The following KDM4C variants were observed in gnomAD, a reference collection of about 807,000 sequenced individuals.
KDM4C encodes the protein lysine-specific demethylase 4C.
In KDM4C, 81 loss-of-function variants were observed where a neutral mutation model predicts 129.3. The observed-to-expected ratio is 0.63, with a 90% CI of 0.52 to 0.75. The LOEUF (loss-of-function observed/expected upper bound fraction) is 0.75. KDM4C is among the 30% of genes least tolerant of loss of function. The probability of loss-of-function intolerance (pLI) is 0.00; values close to 1 mark genes in which losing one functional copy is unlikely to be tolerated. For missense variants in KDM4C, 1,457 were observed against 1,304.0 expected (o/e 1.12, Z -1.81); for synonymous variants, 573 against 456.1 (o/e 1.26, Z -3.26).
chr9:7,167,756 C>A (rs1042327637), intron 20 of KDM4C, among the ~76,000 whole-genome samples: 10 of 152,230 alleles, frequency 6.6e-5, no homozygotes, highest in Non-Finnish European at 1.5e-4. Flanking sequence ...GAGACATACC[C>A]ACCTGGGTGT....
chr9:6,844,801 C>T (rs1171607354), intron 4 of KDM4C, among the ~76,000 whole-genome samples: 2 of 152,180 alleles, frequency 1.3e-5, no homozygotes, highest in Admixed American at 6.5e-5. Flanking sequence ...GATTCTCCTA[C>T]CTCAGCCTCC....
chr9:6,775,820 G>A (rs939859711), intron 1 of KDM4C, among the ~76,000 whole-genome samples: 1 of 152,116 alleles, frequency 6.6e-6, no homozygotes, highest in Non-Finnish European at 1.5e-5. Flanking sequence ...TGCGCCCAGC[G>A]ACAAATGGTT....
rs755908916 is a variant in KDM4C at position 7,169,782 on chromosome 9, T to A, written c.2902-16T>A. 6.3e-7 allele frequency: 1 copy of A among 1,591,116 alleles called. No individual in the cohort carries two copies. The highest frequency in any genetic ancestry group is 8.6e-7 in the Non-Finnish European group (1 of 1,161,950). On this transcript the variant is annotated splice_polypyrimidine_tract_variant and intron_variant, in intron 20 of 21. Transcript: ENST00000381309. ...TGTTTTTTTAATATGTATCATGTTA[T>A]ATTATCTTTCATTAGGTTGAGTTTG... is the stretch of plus-strand genomic sequence containing the variant.
intron 12 of KDM4C, among the ~76,000 whole-genome samples, chr9:7,008,153 C>T (rs1166837566): frequency 6.6e-6 from 1 of 152,170 alleles, no homozygotes; most frequent in Non-Finnish European, 1.5e-5. Context: ...ATAGGGATAC[C>T]TGTGTGGGAA....
intron 19 of KDM4C, among the ~76,000 whole-genome samples, chr9:7,164,178 T>C (rs551749209): frequency 1.0e-3 from 152 of 152,284 alleles, no homozygotes; most frequent in Admixed American, 2.1e-3. Flanking sequence ...TATTAGCAAA[T>C]CATGAATTGC....
At chr9:6,727,918 T>C (rs1353265699) in intron 1 of KDM4C, among the ~76,000 whole-genome samples, 1 of 151,650 alleles carries the variant, frequency 6.6e-6, no homozygotes, top group Non-Finnish European at 1.5e-5. Context: ...AGCAAATGGA[T>C]AATGCTGGCC....
intron 17 of KDM4C, among the ~76,000 whole-genome samples, chr9:7,080,919 A>T (rs1310399539): frequency 6.6e-6 from 1 of 152,240 alleles, no homozygotes; most frequent in Non-Finnish European, 1.5e-5. Flanking sequence ...AGTAGTTTAA[A>T]TAAGTCTTGG....
At chr9:6,816,989 C>T (rs921870238) in intron 4 of KDM4C, among the ~76,000 whole-genome samples, 7 of 151,628 alleles carry the variant, frequency 4.6e-5, no homozygotes, top group African/African-American at 7.3e-5. Flanking sequence ...ATTTCAAAGA[C>T]GATTCTTATT....
chr9:6,901,688 C>T (rs1487384057), intron 8 of KDM4C, among the ~76,000 whole-genome samples: 4 of 152,120 alleles, frequency 2.6e-5, no homozygotes, highest in Non-Finnish European at 4.4e-5. Context: ...GGGAAAGGGG[C>T]TCTGCCTGTG....
chr9:7,015,919 C>A lies in KDM4C; in HGVS notation c.2249C>A (p.Ala750Glu), dbSNP rs577091363. ...GWLCARCKRNAWTAECCLCNL... is the reference protein window; with the variant it reads ...GWLCARCKRNEWTAECCLCNL... ...CTGTGTGCCCGGTGCAAAAGAAATG[C>A]GTGGACAGCAGTAAGTAGCTTATTT... Residue 750 changes from alanine to glutamate, a missense_variant, in exon 15 of 22, where the codon GCG (alanine) becomes GAG (glutamate). Coordinates refer to ENST00000381309, the MANE Select transcript of KDM4C (RefSeq NM_015061.6). 6.2e-7 allele frequency: 1 copy of A among 1,610,498 alleles called. No individual in the cohort carries two copies.
intron 17 of KDM4C, among the ~76,000 whole-genome samples, chr9:7,054,946 T>G (rs1306534908): frequency 6.6e-6 from 1 of 152,200 alleles, no homozygotes. Context: ...CTGTTCTGAT[T>G]GCTGTCATTG....
chr9:6,972,902 C>T (rs1335494882), intron 8 of KDM4C, among the ~76,000 whole-genome samples: 1 of 152,096 alleles, frequency 6.6e-6, no homozygotes, highest in African/African-American at 2.4e-5. Flanking sequence ...GTGTGTTTTT[C>T]TATCTTCTGT....
intron 17 of KDM4C, 48 bp from the exon 18 acceptor site, chr9:7,103,637 T>A: frequency 7.3e-7 from 1 of 1,374,356 alleles, no homozygotes; most frequent in Non-Finnish European, 1.0e-6. Context: ...GGGAACTGAC[T>A]GGGTTACAGA....
intron 19 of KDM4C, among the ~76,000 whole-genome samples, chr9:7,161,638 T>G (rs1843807106): frequency 6.6e-6 from 1 of 152,158 alleles, no homozygotes; most frequent in Admixed American, 6.5e-5. Context: ...AGGCCTCACG[T>G]GTGGGTGCAA....
intron 15 of KDM4C, among the ~76,000 whole-genome samples, chr9:7,028,800 C>T (rs931820563): frequency 5.9e-5 from 9 of 152,122 alleles, no homozygotes; most frequent in South Asian, 2.1e-4. Context: ...TGTGGGCAGG[C>T]GCCAGGTCAG....
At chr9:6,907,074 G>A (rs745757011) in intron 8 of KDM4C, among the ~76,000 whole-genome samples, 8 of 152,118 alleles carry the variant, frequency 5.3e-5, no homozygotes, top group Non-Finnish European at 1.2e-4. Context: ...AAGCATTAAA[G>A]GATTGACTCA....
intron 5 of KDM4C, among the ~76,000 whole-genome samples, chr9:6,854,007 A>C (rs965534365): frequency 6.6e-6 from 1 of 152,194 alleles, no homozygotes; most frequent in African/African-American, 2.4e-5. Flanking sequence ...CATAATTACT[A>C]TTATTTTAAT....
intron 5 of KDM4C, among the ~76,000 whole-genome samples, chr9:6,872,892 G>A (rs960812957): frequency 1.3e-5 from 2 of 152,090 alleles, no homozygotes; most frequent in Non-Finnish European, 2.9e-5. Flanking sequence ...AGCCATATTC[G>A]CCTTTAACAA....
At chr9:6,965,784 A>G (rs1830857939) in intron 8 of KDM4C, among the ~76,000 whole-genome samples, 2 of 152,176 alleles carry the variant, frequency 1.3e-5, no homozygotes, top group Admixed American at 1.3e-4. Context: ...TGAGGGAGAG[A>G]CATCTGCTTT....
Sources: gnomAD v4.1 joint callset for allele counts (sites outside exome capture counted in the v4.1 genomes callset) on GRCh38, gnomAD v4.1.1 for gene constraint, MANE v1.5 for transcripts, NCBI Gene and HGNC (gene_info 2026-07-23, HGNC 2026-07-21) for gene names.